Variants in ADAMTS2 observed in about 807,000 individuals in gnomAD.
ADAMTS2 encodes ADAM metallopeptidase with thrombospondin type 1 motif 2.
Under a neutral mutation model 123.0 loss-of-function variants are expected in ADAMTS2, and 50 were observed. That is an observed-to-expected ratio of 0.41 (90% CI 0.32 to 0.51). The LOEUF is 0.51. Among genes scored for constraint, ADAMTS2 ranks in the 20% least tolerant of loss-of-function variants. ADAMTS2 has a pLI of 0.35. For missense variants in ADAMTS2, 1,494 were observed against 1,705.2 expected, an observed-to-expected ratio of 0.88 and a Z score of 2.18; for synonymous variants, 678 against 695.4, an observed-to-expected ratio of 0.98 and a Z score of 0.39.
intron 10 of ADAMTS2, among the ~76,000 whole-genome samples, chr5:179,140,876 T>C (rs1763153975): frequency 6.9e-6 from 1 of 144,418 alleles, no homozygotes; most frequent in African/African-American, 2.5e-5. Flanking sequence ...CTTGGCTCAC[T>C]GCAACCTCCG....
intron 3 of ADAMTS2, 79 bp from the exon 4 acceptor site, chr5:179,207,794 CCT>C: frequency 7.5e-7 from 1 of 1,327,078 alleles, no homozygotes; most frequent in South Asian, 1.2e-5. Context: ...GCTTGGCCAT[CCT>C]CTCATTTAAA....
chr5:179,140,134 C>A, intron 10 of ADAMTS2, 99 bp from the exon 11 acceptor site: 1 of 1,574,910 alleles, frequency 6.3e-7, no homozygotes, highest in Non-Finnish European at 8.7e-7. Context: ...ACGTCCTGGC[C>A]CCACTCTGGG....
intron 10 of ADAMTS2, among the ~76,000 whole-genome samples, chr5:179,150,472 A>G (rs1262822795): frequency 6.6e-6 from 1 of 152,204 alleles, no homozygotes; most frequent in African/African-American, 2.4e-5. Context: ...TTATACACAA[A>G]TGTTCACAGC....
In ADAMTS2 at chr5:179,312,526, G is replaced by A. The variant is rs532122835; in HGVS notation, c.534+31241C>T. Among the ~76,000 whole-genome samples, 39 of 152,054 alleles carry A rather than the reference G, an allele frequency of 2.6e-4. No homozygotes were observed. The South Asian group carries it at 7.3e-3, about 28-fold the overall frequency. On this transcript the variant is annotated intron_variant, in intron 2 of 21. Transcript: ENST00000251582. This position sits in a 1 kb window ranked among gnomAD's most constrained non-coding sequence, Gnocchi z 4.2. ...CCAGAACCGTGAGAAATAAGCTTCCGATGCTTTTAAGCCGCTCCGTTTATG... is the reference window on the plus strand; with the variant it reads ...CCAGAACCGTGAGAAATAAGCTTCCAATGCTTTTAAGCCGCTCCGTTTATG...
intron 3 of ADAMTS2, among the ~76,000 whole-genome samples, chr5:179,267,387 C>T (rs559444782): frequency 1.3e-5 from 2 of 152,348 alleles, no homozygotes; most frequent in South Asian, 4.1e-4. Context: ...CTCGTCTGCC[C>T]GTCAGGGAGG....
intron 2 of ADAMTS2, among the ~76,000 whole-genome samples, chr5:179,325,410 A>G (rs1757287148): frequency 6.6e-6 from 1 of 152,192 alleles, no homozygotes; most frequent in Non-Finnish European, 1.5e-5. Context: ...TCCTGGAGAC[A>G]GAAGGCAATG....
At chr5:179,309,394 G>A (rs1756761366) in intron 2 of ADAMTS2, among the ~76,000 whole-genome samples, 1 of 152,182 alleles carries the variant, frequency 6.6e-6, no homozygotes, top group Admixed American at 6.5e-5. Flanking sequence ...CCTGGCAACA[G>A]TGACCCAGAC....
At chr5:179,297,620 G>A (rs1388142273) in intron 2 of ADAMTS2, among the ~76,000 whole-genome samples, 1 of 152,012 alleles carries the variant, frequency 6.6e-6, no homozygotes, top group African/African-American at 2.4e-5. Context: ...GGTGACTTGG[G>A]CCCTTGCATC....
At chr5:179,245,765 CAAAAAAAAAAAAAAA>C (rs1171837041) in intron 3 of ADAMTS2, among the ~76,000 whole-genome samples, 436 of 17,210 alleles carry the variant, frequency 0.025, 9 homozygotes, top group South Asian at 0.2. Flanking sequence ...GACTCCGTCT[CAAAAAAAAAAAAAAA>C]AAAAAAAAAA....
intron 4 of ADAMTS2, among the ~76,000 whole-genome samples, chr5:179,201,153 A>G (rs1380496138): frequency 6.6e-6 from 1 of 152,204 alleles, no homozygotes; most frequent in Non-Finnish European, 1.5e-5. Flanking sequence ...AAGCGGGAAT[A>G]GATGAAACCA....
At position 179,253,467 on chromosome 5, in the gene ADAMTS2, C is replaced by A. The variant is rs151017039; in HGVS notation, c.688+19444G>T. Among the ~76,000 whole-genome samples the A allele has an allele frequency of 5.7e-3, 862 of 152,136 alleles. 11 individuals carry two copies. The highest frequency in any genetic ancestry group is 0.02 in the African/African-American group (824 of 41,508). ...GAGACCAGCCTGACCAACAGGGTGA[C>A]ACCCCATCTCTACAAAAAATACAAA... On this transcript the variant is annotated intron_variant, in intron 3 of 21. Transcript: ENST00000251582.
chr5:179,121,804 C>A lies in ADAMTS2; in HGVS notation c.3089-54G>T, dbSNP rs967496242. ...GCAGGGCACCAGGCTGGGGCCCCCA[C>A]CCCAGGCAGAGAGGCTCCGGGTCTC... On this transcript the variant is annotated intron_variant, in intron 20 of 21. Transcript: ENST00000251582. 10 of 1,288,676 alleles carry A rather than the reference C, an allele frequency of 7.8e-6. No individual in the cohort carries two copies. In the African/African-American group the frequency reaches 9.1e-5, roughly 12 times the overall value. The allele number at this position is 1,288,676 out of a possible 1,614,324, so 79.8% of individuals were successfully genotyped here. A position where few individuals can be genotyped will look rare whatever the true frequency, so the allele number is the denominator to read the frequency against.
chr5:179,217,766 GAT>G (rs1765018991), intron 3 of ADAMTS2, among the ~76,000 whole-genome samples: 17 of 120,730 alleles, frequency 1.4e-4, no homozygotes, highest in Admixed American at 3.4e-4. Flanking sequence ...TGTGAGGGGG[GAT>G]GGGCACACTC....
At chr5:179,148,747 T>C (rs1430286609) in intron 10 of ADAMTS2, among the ~76,000 whole-genome samples, 2 of 151,986 alleles carry the variant, frequency 1.3e-5, no homozygotes, top group Non-Finnish European at 2.9e-5. Flanking sequence ...GGCCCCTCAT[T>C]CTCATGCCTT....
At chr5:179,120,389 T>C (rs1239886879) in intron 21 of ADAMTS2, 1 of 152,218 alleles carries the variant, frequency 6.6e-6, no homozygotes, top group East Asian at 1.9e-4. Flanking sequence ...CCAAAGTGCA[T>C]ATGCCCAGGA....
At chr5:179,320,862 T>C (rs1199967291) in intron 2 of ADAMTS2, among the ~76,000 whole-genome samples, 1 of 152,124 alleles carries the variant, frequency 6.6e-6, no homozygotes, top group East Asian at 1.9e-4. Context: ...TGTTGCCCTG[T>C]GAGGAGGTAA....
rs140078300 is a variant in ADAMTS2 at position 179,300,928 on chromosome 5, G to A, written c.535-27864C>T. Among the ~76,000 whole-genome samples the A allele has an allele frequency of 1.3e-3, 201 of 152,186 alleles. 2 individuals carry two copies. Among genetic ancestry groups the A allele is most frequent in the African/African-American group, 4.3e-3 (179 of 41,530 alleles). ...GCCAGAAGAAAGCCAATTAAAAGTC[G>A]GAGAGGTCCCGCAGGACAGAGGCCG... On this transcript the variant is annotated intron_variant, in intron 2 of 21. Transcript: ENST00000251582.
At chr5:179,297,813 C>T (rs1057182054) in intron 2 of ADAMTS2, among the ~76,000 whole-genome samples, 12 of 152,180 alleles carry the variant, frequency 7.9e-5, no homozygotes, top group Non-Finnish European at 1.6e-4. Flanking sequence ...GCTGCGTCTT[C>T]GGCCTCCTCC....
At chr5:179,299,259 G>C (rs183043786) in intron 2 of ADAMTS2, among the ~76,000 whole-genome samples, 1 of 149,064 alleles carries the variant, frequency 6.7e-6, no homozygotes, top group African/African-American at 2.5e-5. Context: ...TCCAGGCGCG[G>C]TGGCTCACGC....
Sources: allele counts gnomAD v4.1 joint callset (sites outside exome capture counted in the v4.1 genomes callset), GRCh38; gene constraint gnomAD v4.1.1; non-coding constraint Gnocchi (gnomAD v3.1); transcripts MANE v1.5; gene names NCBI Gene and HGNC (gene_info 2026-07-23, HGNC 2026-07-21).